The following CDKN2B-AS1 variants were observed in gnomAD, a reference collection of about 807,000 sequenced individuals.
CDKN2B-AS1 encodes the protein CDKN2B and CDKN2A antisense cis and trans regulatory RNA 1.
In CDKN2B-AS1 at chr9:22,009,258, G is replaced by A. The variant is rs555150370; in HGVS notation, n.29+14097G>A. The stretch of plus-strand genomic sequence containing the variant: ...CTCAAAGCCGCTCTGGCCGCAGGGT[G>A]CGGACGCGTCGCGGAGTCCTCACTG... On this transcript the variant is annotated intron_variant and non_coding_transcript_variant, in intron 1 of 4. Transcript: ENST00000650946. The A allele has an allele frequency of 5.6e-6, 3 of 534,376 alleles. No homozygotes were observed. In the South Asian group the frequency reaches 6.2e-5, roughly 11 times the overall value. The allele number at this position is 534,376 out of a possible 1,614,324, so 33.1% of individuals were successfully genotyped here. A position where few individuals can be genotyped will look rare whatever the true frequency, so the allele number is the denominator to read the frequency against.
intron 1 of CDKN2B-AS1, among the ~76,000 whole-genome samples, chr9:22,008,449 A>C (rs1164194935): frequency 6.6e-6 from 1 of 152,170 alleles, no homozygotes; most frequent in Non-Finnish European, 1.5e-5. Context: ...TGCGTAACTT[A>C]TACTTTACTT....
intron 4 of CDKN2B-AS1, among the ~76,000 whole-genome samples, chr9:22,099,300 T>A (rs1003671464): frequency 2.0e-5 from 3 of 152,104 alleles, no homozygotes; most frequent in Non-Finnish European, 2.9e-5. Context: ...CCACATTCAG[T>A]TATGTGGACT....
rs796650951 is a variant in CDKN2B-AS1 at position 22,072,035 on chromosome 9, G to A, written n.438+15648G>A. 1.2e-4 allele frequency among the ~76,000 whole-genome samples: 18 copies of A among 152,272 alleles called. 1 individual carries two copies. Among genetic ancestry groups the A allele is most frequent in the African/African-American group, 4.3e-4 (18 of 41,550 alleles). On this transcript the variant is annotated intron_variant and non_coding_transcript_variant, in intron 4 of 4. Transcript: ENST00000650946. ...TCAGCAGTCAGAAGAAGGGACAGGGGAAAGTCCTGAGCAGTGCAGGTGGAT... is the reference window on the plus strand; with the variant it reads ...TCAGCAGTCAGAAGAAGGGACAGGGAAAAGTCCTGAGCAGTGCAGGTGGAT...
intron 4 of CDKN2B-AS1, among the ~76,000 whole-genome samples, chr9:22,067,220 CA>C (rs201218480): frequency 1.3e-4 from 19 of 151,684 alleles, no homozygotes; most frequent in South Asian, 4.2e-4. Context: ...TAATAATAAA[CA>C]AAAAAAACCA....
chr9:22,103,943 C>A (rs1453845576), intron 4 of CDKN2B-AS1, among the ~76,000 whole-genome samples: 1 of 152,120 alleles, frequency 6.6e-6, no homozygotes, highest in Non-Finnish European at 1.5e-5. Flanking sequence ...GTGAGCTTTT[C>A]TTATCAGAAT....
At chr9:22,078,747 A>G (rs1824586461) in intron 4 of CDKN2B-AS1, among the ~76,000 whole-genome samples, 1 of 152,198 alleles carries the variant, frequency 6.6e-6, no homozygotes, top group African/African-American at 2.4e-5. Flanking sequence ...TCCCTTCAAA[A>G]TCTTCTTCAT....
chr9:22,041,382 T>A (rs995149942), intron 1 of CDKN2B-AS1, among the ~76,000 whole-genome samples: 1 of 152,008 alleles, frequency 6.6e-6, no homozygotes, highest in African/African-American at 2.4e-5. Flanking sequence ...CTGTGCGATA[T>A]TTTTCAAAGT....
chr9:22,047,126 T>A (rs902975042), intron 2 of CDKN2B-AS1, among the ~76,000 whole-genome samples: 1 of 152,092 alleles, frequency 6.6e-6, no homozygotes, highest in African/African-American at 2.4e-5. Flanking sequence ...AAACAAATAG[T>A]CTTTCATCTC....
At chr9:22,070,500 G>A (rs935299416) in intron 4 of CDKN2B-AS1, among the ~76,000 whole-genome samples, 1 of 152,148 alleles carries the variant, frequency 6.6e-6, no homozygotes, top group South Asian at 2.1e-4. Context: ...TCAGGGAAGG[G>A]CAATGATCAG....
chr9:22,009,047 C>T, intron 1 of CDKN2B-AS1: 1 of 1,571,388 alleles, frequency 6.4e-7, no homozygotes, highest in Non-Finnish European at 8.7e-7. Context: ...TGCTCCGGCG[C>T]ACTCTCTCCT....
At chr9:22,043,419 C>T (rs930035702) in intron 1 of CDKN2B-AS1, among the ~76,000 whole-genome samples, 4 of 151,952 alleles carry the variant, frequency 2.6e-5, no homozygotes, top group African/African-American at 9.7e-5. Flanking sequence ...TATTCACACA[C>T]ACACAGACAC....
intron 4 of CDKN2B-AS1, among the ~76,000 whole-genome samples, chr9:22,080,522 C>T (rs536691816): frequency 6.6e-6 from 1 of 152,332 alleles, no homozygotes; most frequent in South Asian, 2.1e-4. Context: ...GAGAGCTTTA[C>T]AGATGAGTTC....
chr9:22,107,340 C>T (rs2131363319), intron 4 of CDKN2B-AS1, among the ~76,000 whole-genome samples: 1 of 152,310 alleles, frequency 6.6e-6, no homozygotes, highest in South Asian at 2.1e-4. Flanking sequence ...TTACCCAGGG[C>T]TCTAAGTGGA....
intron 4 of CDKN2B-AS1, among the ~76,000 whole-genome samples, chr9:22,069,420 A>G (rs1379006732): frequency 6.6e-6 from 1 of 152,208 alleles, no homozygotes; most frequent in African/African-American, 2.4e-5. Flanking sequence ...CTCTATTAAA[A>G]GTATTTCATT....
chr9:22,019,157 T>C (rs62556547), intron 1 of CDKN2B-AS1, among the ~76,000 whole-genome samples: 11,898 of 152,278 alleles, frequency 0.078, 666 homozygotes, highest in Non-Finnish European at 0.13. Flanking sequence ...GAAATAAGCA[T>C]GGAAAAATGT....
At chr9:22,029,271 T>G (rs1386345320) in intron 1 of CDKN2B-AS1, among the ~76,000 whole-genome samples, 1 of 152,188 alleles carries the variant, frequency 6.6e-6, no homozygotes, top group Non-Finnish European at 1.5e-5. Flanking sequence ...AGAGAAAATG[T>G]GCTTTGAGAG....
At chr9:22,009,289 C>T (rs1422121690) in intron 1 of CDKN2B-AS1, 5 of 476,042 alleles carry the variant, frequency 1.1e-5, no homozygotes, top group Non-Finnish European at 1.9e-5. Flanking sequence ...CACTGCCCCG[C>T]CTCGCTCTGG....
chr9:22,110,077 T>C (rs1016132490), intron 4 of CDKN2B-AS1, among the ~76,000 whole-genome samples: 2 of 152,178 alleles, frequency 1.3e-5, no homozygotes, highest in African/African-American at 4.8e-5. Context: ...ATGGTTAAGG[T>C]GATTTACTAA....
At chr9:22,095,914 C>T (rs1825259046) in intron 4 of CDKN2B-AS1, among the ~76,000 whole-genome samples, 1 of 151,594 alleles carries the variant, frequency 6.6e-6, no homozygotes, top group Non-Finnish European at 1.5e-5. Context: ...GCAACCCCTG[C>T]CTTTTTTTGT....
Sources: allele counts gnomAD v4.1 joint callset (sites outside exome capture counted in the v4.1 genomes callset), GRCh38; gene constraint gnomAD v4.1.1; transcripts MANE v1.5; gene names NCBI Gene and HGNC (gene_info 2026-07-23, HGNC 2026-07-21).